KLF8: variants seen among roughly 807,000 people sequenced by gnomAD.
KLF8 encodes Krueppel-like factor 8.
KLF8 carries 10 observed loss-of-function variants against 18.2 expected under a neutral mutation model. The observed-to-expected ratio is 0.55, with a 90% CI of 0.34 to 0.93. KLF8 has a LOEUF of 0.93. Among genes scored for constraint, KLF8 ranks in the 40% least tolerant of loss-of-function variants. The pLI is 0.02. For missense variants in KLF8, 264 were observed against 277.9 expected (o/e 0.95, Z 0.36); for synonymous variants, 109 against 97.3 (o/e 1.12, Z -0.71).
the KLF8 span, among the ~76,000 whole-genome samples, chrX:56,051,888 C>T: frequency 9.1e-5 from 10 of 109,495 alleles, no homozygotes; most frequent in Non-Finnish European, 1.9e-4. Context: ...CCATTCTCCC[C>T]ATCACTTTCA....
the KLF8 span, among the ~76,000 whole-genome samples, chrX:56,134,822 A>C: frequency 9.2e-6 from 1 of 109,244 alleles, no homozygotes; most frequent in Non-Finnish European, 1.9e-5. Context: ...GAAAGAAAGA[A>C]AAAAAAAATC....
At chrX:56,199,482 G>GA in the KLF8 span, among the ~76,000 whole-genome samples, 1 of 112,198 alleles carries the variant, frequency 8.9e-6, no homozygotes, top group East Asian at 2.8e-4. Flanking sequence ...ACAGACACAT[G>GA]AAAAAATGCT....
At chrX:55,939,774 G>A in the KLF8 span, among the ~76,000 whole-genome samples, 39 of 111,580 alleles carry the variant, frequency 3.5e-4, no homozygotes, top group Admixed American at 2.4e-3. Flanking sequence ...TAGAAAATCT[G>A]GAAGAAATGG....
the KLF8 span, among the ~76,000 whole-genome samples, chrX:55,982,147 A>C: frequency 9.0e-6 from 1 of 111,572 alleles, no homozygotes; most frequent in African/African-American, 3.3e-5. Flanking sequence ...ACTCTCCAGG[A>C]ATAAAGAATG....
chrX:56,151,504 G>A, the KLF8 span, among the ~76,000 whole-genome samples: 2 of 111,157 alleles, frequency 1.8e-5, no homozygotes, highest in Admixed American at 1.9e-4. Context: ...GGATAGGGGT[G>A]GTAGGAAGTA....
chrX:56,158,792 A>G, the KLF8 span, among the ~76,000 whole-genome samples: 1 of 111,903 alleles, frequency 8.9e-6, no homozygotes, highest in Admixed American at 9.5e-5. Context: ...TTGGGCTGAG[A>G]CAATGGGGTT....
the KLF8 span, among the ~76,000 whole-genome samples, chrX:56,146,428 T>C: frequency 9.0e-6 from 1 of 111,552 alleles, no homozygotes; most frequent in African/African-American, 3.3e-5. Flanking sequence ...TGGATGAAGC[T>C]GGAAACCATC....
chrX:56,145,451 C>T, the KLF8 span, among the ~76,000 whole-genome samples: 1 of 112,405 alleles, frequency 8.9e-6, no homozygotes, highest in Non-Finnish European at 1.9e-5. Flanking sequence ...ATTTCACTCC[C>T]AGTTACATAC....
chrX:56,269,530 TG>T (rs780068588), intron 4 of KLF8, 41 bp downstream of exon 4: 77 of 908,398 alleles, frequency 8.5e-5, no homozygotes, highest in Non-Finnish European at 9.7e-5. Flanking sequence ...TGTGTATGTG[TG>T]TGTGTGTGTG....
the KLF8 span, among the ~76,000 whole-genome samples, chrX:56,162,234 G>C: frequency 8.9e-6 from 1 of 112,119 alleles, no homozygotes; most frequent in Non-Finnish European, 1.9e-5. Flanking sequence ...CACTTGCGGA[G>C]GCAGTCTGTC....
At chrX:56,058,215 T>TATACAC in the KLF8 span, among the ~76,000 whole-genome samples, 10 of 72,759 alleles carry the variant, frequency 1.4e-4, no homozygotes, top group African/African-American at 5.8e-4. Context: ...CACATATATA[T>TATACAC]ACGTGTATAT....
chrX:55,962,406 G>A, the KLF8 span: 1 of 234,312 alleles, frequency 4.3e-6, no homozygotes, highest in Non-Finnish European at 8.1e-6. Context: ...GTAGAAGATG[G>A]CCACATCTCT....
At chrX:56,123,271 AAAAGAAAG>A in the KLF8 span, among the ~76,000 whole-genome samples, 459 of 91,304 alleles carry the variant, frequency 5.0e-3, 5 homozygotes, top group African/African-American at 0.022. Context: ...GAAAGAAAGA[AAAAGAAAG>A]AAAGAAAGAA....
At chrX:56,268,205 G>T (rs1014850092) in intron 3 of KLF8, 8 of 111,127 alleles carry the variant, frequency 7.2e-5, no homozygotes, top group African/African-American at 2.6e-4. Context: ...TCATTCATTT[G>T]TTGATAGATA....
At chrX:56,184,046 G>A in the KLF8 span, among the ~76,000 whole-genome samples, 15 of 112,316 alleles carry the variant, frequency 1.3e-4, no homozygotes, top group African/African-American at 4.2e-4. Context: ...AGTGCACCAT[G>A]CACGAGTCGA....
chrX:56,162,805 A>G, the KLF8 span, among the ~76,000 whole-genome samples: 3 of 111,071 alleles, frequency 2.7e-5, no homozygotes, highest in Non-Finnish European at 3.8e-5. Flanking sequence ...CTCCTCAGTG[A>G]GATGAACCCA....
chrX:56,076,928 A>C, the KLF8 span, among the ~76,000 whole-genome samples: 1 of 112,135 alleles, frequency 8.9e-6, no homozygotes, highest in African/African-American at 3.2e-5. Flanking sequence ...TTTTGGCTGC[A>C]TAAATGTCTT....
At position 56,232,664 on chromosome X, in the gene KLF8, C is replaced by T. The variant is rs987550096; in HGVS notation, c.-671C>T. 1.5e-4 allele frequency: 17 copies of T among 111,778 alleles called. No individual in the cohort carries two copies. Among genetic ancestry groups the T allele is most frequent in the African/African-American group, 5.2e-4 (16 of 30,764 alleles). 9.2% of individuals were successfully genotyped at this position (111,778 alleles called of 1,213,427 possible). On this transcript the variant is annotated 5_prime_UTR_variant, in exon 1 of 6. Transcript: ENST00000468660. Reference sequence around the variant, plus strand: ...TCTCTATGATTCTACCAATCGTCGGCATTTTTTTCCTCCCTTCTTTCTTTT... The same window carrying T: ...TCTCTATGATTCTACCAATCGTCGGTATTTTTTTCCTCCCTTCTTTCTTTT...
intron 2 of KLF8, among the ~76,000 whole-genome samples, chrX:56,264,431 G>A (rs1194067378): frequency 9.5e-6 from 1 of 105,414 alleles, no homozygotes; most frequent in Non-Finnish European, 1.9e-5. Flanking sequence ...CTAATAAATT[G>A]GTTTTTTAAA....
Sources: allele counts gnomAD v4.1 joint callset (sites outside exome capture counted in the v4.1 genomes callset), GRCh38; gene constraint gnomAD v4.1.1; transcripts MANE v1.5; gene names NCBI Gene and HGNC (gene_info 2026-07-23, HGNC 2026-07-21).